SQSTM1: variants seen among roughly 807,000 people sequenced by gnomAD.
The protein encoded by SQSTM1 is sequestosome 1.
SQSTM1 carries 36 observed loss-of-function variants against 45.1 expected under a neutral mutation model. The ratio of observed to expected loss-of-function variants is 0.80; its 90% CI spans 0.61 to 1.05. The LOEUF (loss-of-function observed/expected upper bound fraction) is 1.05. Among genes scored for constraint, SQSTM1 ranks in the 50% least tolerant of loss-of-function variants. The pLI is 0.00. For synonymous variants in SQSTM1, 290 were observed against 244.3 expected (o/e 1.19, Z -1.74); for missense variants, 617 against 607.1 (o/e 1.02, Z -0.17).
upstream of SQSTM1, chr5:179,820,140 C>G (rs1490458361): frequency 6.5e-6 from 1 of 152,744 alleles, no homozygotes; most frequent in South Asian, 2.1e-4. Context: ...TGGCTGCCCA[C>G]AAGGCCAACG....
upstream of SQSTM1, among the ~76,000 whole-genome samples, chr5:179,817,673 G>T (rs947180384): frequency 6.6e-6 from 1 of 152,152 alleles, no homozygotes; most frequent in African/African-American, 2.4e-5. Context: ...CATGGCCCCC[G>T]TGCCTCTTGC....
intron 2 of SQSTM1, chr5:179,812,026 G>T (rs531764180): frequency 6.6e-6 from 1 of 152,006 alleles, no homozygotes. Flanking sequence ...GGATGGTCTC[G>T]ATCTCCTGAC....
At chr5:179,827,588 G>A (rs1758049823) in intron 5 of SQSTM1, among the ~76,000 whole-genome samples, 1 of 152,206 alleles carries the variant, frequency 6.6e-6, no homozygotes, top group Admixed American at 6.5e-5. Context: ...CCGGCCCTCA[G>A]ATGTCTTTGA....
At chr5:179,827,985 T>C (rs113883196) in intron 5 of SQSTM1, among the ~76,000 whole-genome samples, 22 of 152,156 alleles carry the variant, frequency 1.4e-4, no homozygotes, top group Non-Finnish European at 7.3e-5. Context: ...CCCAGGCTGC[T>C]CCTGGCTGGG....
At chr5:179,818,272 A>T (rs1249623589), upstream of SQSTM1, among the ~76,000 whole-genome samples, 1 of 152,098 alleles carries the variant, frequency 6.6e-6, no homozygotes, top group East Asian at 1.9e-4. Flanking sequence ...TGCAGCGCAG[A>T]AGGCCTGGAG....
Position 179,837,618 on chromosome 5 carries a change from C to T in SQSTM1, c.*1025C>T, listed in dbSNP as rs1185153093. ...CTGAGGCCTTCTCTTGAGGCCTGTG[C>T]TCTGGGGGTCCCTTGCTTAGCCTGT... On this transcript the variant is annotated 3_prime_UTR_variant, in exon 8 of 8. Transcript: ENST00000389805. The T allele has an allele frequency of 9.3e-6, 15 of 1,614,106 alleles. No homozygotes were observed. Among genetic ancestry groups the T allele is most frequent in the South Asian group, 3.3e-5 (3 of 91,092 alleles).
At chr5:179,816,161 C>CTTTGTTTTGT (rs552855181), upstream of SQSTM1, among the ~76,000 whole-genome samples, 1 of 152,162 alleles carries the variant, frequency 6.6e-6, no homozygotes, top group East Asian at 1.9e-4. Flanking sequence ...AGAAGGTTTT[C>CTTTGTTTTGT]TTTGTTTTGT....
chr5:179,828,369 C>CTTTTT (rs57483633), intron 5 of SQSTM1, among the ~76,000 whole-genome samples: 440 of 98,156 alleles, frequency 4.5e-3, no homozygotes, highest in African/African-American at 5.4e-3. Context: ...TTTTTCTTAT[C>CTTTTT]TTTTTTTTTT....
In SQSTM1 at chr5:179,806,409, C is replaced by A; in HGVS notation, c.-339C>A. ...GCCTGCGTCGGCTTCCGGCCGCCTT[C>A]CGCGGCCACCGCCGGGCCCGCTCCC... is the stretch of plus-strand genomic sequence containing the variant. On this transcript the variant is annotated 5_prime_UTR_variant, in exon 1 of 6. Transcript: ENST00000514093. The surrounding 1 kb of genome is among the most constrained non-coding windows in gnomAD (Gnocchi z 4.6). 2.1e-6 allele frequency: 2 copies of A among 937,550 alleles called. No individual in the cohort carries two copies. The highest frequency in any genetic ancestry group is 2.6e-6 in the Non-Finnish European group (2 of 758,716). 58.1% of individuals were successfully genotyped at this position (937,550 alleles called of 1,614,324 possible).
rs1394060963 is a variant in SQSTM1 at position 179,824,288 on chromosome 5, C to T, written c.638C>T (p.Ala213Val). The T allele has an allele frequency of 6.2e-7, 1 of 1,613,660 alleles. No individual in the cohort carries two copies. The highest frequency in any genetic ancestry group is 8.5e-7 in the Non-Finnish European group (1 of 1,180,058). Residue 213 changes from alanine to valine, a missense_variant, in exon 4 of 8, where the codon GCA becomes GTA. By Grantham distance (64) the Ala-to-Val change is moderately conservative. Transcript: ENST00000389805. ...AACTGGAGCCCACGTCCTCCTCGTGCAGGGGAGGCCCGCCCTGGCCCCACG... is the reference window on the plus strand; with the variant it reads ...AACTGGAGCCCACGTCCTCCTCGTGTAGGGGAGGCCCGCCCTGGCCCCACG... ...PGNWSPRPPR[A>V]GEARPGPTAE...
rs1281191196 is a variant in SQSTM1 at position 179,806,611 on chromosome 5, G to A, written c.-157+20G>A. Reference sequence around the variant, plus strand: ...CCTCGGGTGCGCGGCGGGCGCCCGCGGGGCCGAGGCTGCATGGCCCGGGGG... The same window carrying A: ...CCTCGGGTGCGCGGCGGGCGCCCGCAGGGCCGAGGCTGCATGGCCCGGGGG... On this transcript the variant is annotated intron_variant, in intron 1 of 5. Coordinates refer to the SQSTM1 transcript ENST00000514093. This position sits in a 1 kb window ranked among gnomAD's most constrained non-coding sequence, Gnocchi z 4.6. 3 of 1,203,398 alleles carry A rather than the reference G, an allele frequency of 2.5e-6. No individual in the cohort carries two copies. Among genetic ancestry groups the A allele is most frequent in the African/African-American group, 3.2e-5 (2 of 61,692 alleles). 74.5% of individuals were successfully genotyped at this position (1,203,398 alleles called of 1,614,324 possible). A position where few individuals can be genotyped will look rare whatever the true frequency, so the allele number is the denominator to read the frequency against.
intron 4 of SQSTM1, 56 bp from the exon 5 acceptor site, chr5:179,825,090 T>A: frequency 6.4e-7 from 1 of 1,565,366 alleles, no homozygotes; most frequent in Non-Finnish European, 8.8e-7. Flanking sequence ...GACAGGACTG[T>A]GACAGGTATC....
At chr5:179,832,711 AAG>A (rs1383563174) in intron 5 of SQSTM1, among the ~76,000 whole-genome samples, 1 of 152,184 alleles carries the variant, frequency 6.6e-6, no homozygotes, top group African/African-American at 2.4e-5. Flanking sequence ...GAATTGGAGA[AAG>A]AGAAAGGTCC....
rs1582034133 is a variant in SQSTM1 at position 179,837,847 on chromosome 5, G to A, written c.*1254G>A. 7 of 1,610,746 alleles carry A rather than the reference G, an allele frequency of 4.3e-6. No individual in the cohort carries two copies. The highest frequency in any genetic ancestry group is 5.9e-6 in the Non-Finnish European group (7 of 1,179,948). On this transcript the variant is annotated 3_prime_UTR_variant, in exon 8 of 8. Coordinates refer to ENST00000389805, the MANE Select transcript of SQSTM1 (RefSeq NM_003900.5). ...CAGAGTTCTCCTGGAGGCAGGGGCT[G>A]CTGCCTTGTTTCACCTTCCATGTCA...
intron 2 of SQSTM1, among the ~76,000 whole-genome samples, chr5:179,823,262 T>C (rs1372413596): frequency 6.6e-6 from 1 of 151,576 alleles, no homozygotes; most frequent in African/African-American, 2.4e-5. Context: ...GGTCAGGAGT[T>C]TAAGAACAGC....
upstream of SQSTM1, among the ~76,000 whole-genome samples, chr5:179,816,821 C>T (rs946921742): frequency 4.6e-5 from 7 of 152,186 alleles, no homozygotes; most frequent in African/African-American, 1.4e-4. Context: ...ACCTTGCGCA[C>T]TCAGGCTGGC....
intron 1 of SQSTM1, among the ~76,000 whole-genome samples, chr5:179,810,962 A>G (rs1309395587): frequency 6.6e-6 from 1 of 152,136 alleles, no homozygotes; most frequent in Non-Finnish European, 1.5e-5. Flanking sequence ...TACGCCTGTA[A>G]TCCAAGTGAG....
rs371022444 is a variant in SQSTM1, at chr5:179,823,083, G to A, written c.301+30G>A. On this transcript the variant is annotated intron_variant, in intron 2 of 7. Transcript: ENST00000389805. ...GGGGCTGCTCTGGGGGCTGCCTGAAGCCAGCTCAGCTTGTACTCAGTTCCC... is the reference window on the plus strand; with the variant it reads ...GGGGCTGCTCTGGGGGCTGCCTGAAACCAGCTCAGCTTGTACTCAGTTCCC... 92 of 1,595,210 alleles carry A rather than the reference G, an allele frequency of 5.8e-5. No individual in the cohort carries two copies. The African/African-American group carries it at 8.7e-4, about 15-fold the overall frequency.
At chr5:179,823,624 C>G (rs1005994310) in intron 2 of SQSTM1, 3 of 586,582 alleles carry the variant, frequency 5.1e-6, no homozygotes, top group Non-Finnish European at 6.1e-6. Context: ...GCTGTGCAGA[C>G]AGGGCTCCTT....
Sources: gnomAD v4.1 joint callset for allele counts (sites outside exome capture counted in the v4.1 genomes callset) on GRCh38, gnomAD v4.1.1 for gene constraint, Gnocchi (gnomAD v3.1) non-coding constraint, MANE v1.5 for transcripts, NCBI Gene and HGNC (gene_info 2026-07-23, HGNC 2026-07-21) for gene names.